MROH9: variants seen among roughly 807,000 people sequenced by gnomAD.
The protein encoded by MROH9 is maestro heat like repeat family member 9.
MROH9 carries 92 observed loss-of-function variants against 98.2 expected under a neutral mutation model. That is an observed-to-expected ratio of 0.94 (90% CI 0.79 to 1.11). The LOEUF is 1.11. Ranked by LOEUF, MROH9 falls within the 50% of genes most tolerant of loss-of-function variation. The pLI is 0.00. For synonymous variants in MROH9, 397 were observed against 368.9 expected (o/e 1.08, Z -0.87); for missense variants, 1,057 against 1,014.8 (o/e 1.04, Z -0.57).
At chr1:171,041,645 A>G (rs536280753) in intron 20 of MROH9, among the ~76,000 whole-genome samples, 3 of 152,000 alleles carry the variant, frequency 2.0e-5, no homozygotes, top group Admixed American at 6.6e-5. Context: ...AGAAATCAAC[A>G]TAATGTTTTC....
At chr1:170,987,244 A>G (rs2101803704) in intron 10 of MROH9, among the ~76,000 whole-genome samples, 1 of 152,376 alleles carries the variant, frequency 6.6e-6, no homozygotes, top group East Asian at 1.9e-4. Flanking sequence ...ATATTAAATC[A>G]TAATATTTTG....
intron 10 of MROH9, among the ~76,000 whole-genome samples, chr1:170,988,690 A>C (rs1195077531): frequency 6.6e-6 from 1 of 152,202 alleles, no homozygotes; most frequent in Non-Finnish European, 1.5e-5. Flanking sequence ...ATGAGTTATA[A>C]GGCTAAAAAC....
At chr1:170,943,038 C>T (rs1370610637) in intron 1 of MROH9, among the ~76,000 whole-genome samples, 1 of 151,908 alleles carries the variant, frequency 6.6e-6, no homozygotes, top group African/African-American at 2.4e-5. Flanking sequence ...ATATTTGATT[C>T]GGAAGTAGCC....
rs1441001136 is a variant in MROH9 at position 171,024,385 on chromosome 1, T to C, written c.1909-10T>C. On this transcript the variant is annotated splice_polypyrimidine_tract_variant and intron_variant, in intron 17 of 21. Coordinates refer to ENST00000367759, the MANE Select transcript of MROH9 (RefSeq NM_001163629.2). ...ATATTATCCTCAAATAAGGCCTTTG[T>C]CTTTTACAGATTAATGGAGGCATTC... is the stretch of plus-strand genomic sequence containing the variant. The C allele has an allele frequency of 6.4e-7, 1 of 1,550,948 alleles. No individual in the cohort carries two copies. Among genetic ancestry groups the C allele is most frequent in the Non-Finnish European group, 8.7e-7 (1 of 1,146,752 alleles).
intron 17 of MROH9, among the ~76,000 whole-genome samples, chr1:171,023,422 G>A (rs1571146980): frequency 6.6e-6 from 1 of 151,900 alleles, no homozygotes; most frequent in Admixed American, 6.6e-5. Flanking sequence ...AACACAGCAT[G>A]GTTACATTAT....
intron 3 of MROH9, among the ~76,000 whole-genome samples, chr1:170,954,946 C>T (rs1417485456): frequency 6.6e-6 from 1 of 151,878 alleles, no homozygotes; most frequent in Admixed American, 6.6e-5. Context: ...ATATTTATAG[C>T]CTTTATCCCT....
intron 15 of MROH9, among the ~76,000 whole-genome samples, chr1:171,001,711 T>G (rs777650683): frequency 6.6e-6 from 1 of 152,178 alleles, no homozygotes; most frequent in Non-Finnish European, 1.5e-5. Context: ...GAATGTGTAT[T>G]CTGTGGTTGT....
intron 20 of MROH9, among the ~76,000 whole-genome samples, chr1:171,047,599 G>A (rs1653508013): frequency 6.6e-6 from 1 of 152,036 alleles, no homozygotes; most frequent in Non-Finnish European, 1.5e-5. Flanking sequence ...ACTCAACACA[G>A]CTATTTCAAA....
intron 12 of MROH9, among the ~76,000 whole-genome samples, 177 bp downstream of exon 12, chr1:170,992,506 C>T (rs1398451398): frequency 6.6e-6 from 1 of 152,126 alleles, no homozygotes; most frequent in Non-Finnish European, 1.5e-5. Context: ...ATGGAGCTTA[C>T]ATTTTGGTAA....
At chr1:171,005,029 A>C (rs1651909612) in intron 15 of MROH9, among the ~76,000 whole-genome samples, 1 of 151,972 alleles carries the variant, frequency 6.6e-6, no homozygotes, top group South Asian at 2.1e-4. Context: ...ATTTTGATGA[A>C]GATTACATTG....
chr1:170,949,183 G>A (rs993075988), intron 3 of MROH9, among the ~76,000 whole-genome samples: 6 of 152,052 alleles, frequency 3.9e-5, no homozygotes, highest in African/African-American at 1.4e-4. Context: ...GAGAGGGGAT[G>A]TGATCTTAGG....
At chr1:170,975,975 C>T (rs1650669697) in intron 8 of MROH9, among the ~76,000 whole-genome samples, 2 of 152,094 alleles carry the variant, frequency 1.3e-5, no homozygotes, top group African/African-American at 4.8e-5. Flanking sequence ...TTTGCAACCC[C>T]AGCCTTTTTC....
intron 19 of MROH9, 100 bp downstream of exon 19, chr1:171,024,865 GGA>G: frequency 1.4e-6 from 1 of 689,670 alleles, no homozygotes; most frequent in Non-Finnish European, 2.4e-6. Flanking sequence ...AGTGGATCTT[GGA>G]GGAAAAAAAT....
chr1:170,995,547 T>C lies in MROH9; in HGVS notation c.1337+16T>C. On this transcript the variant is annotated intron_variant, in intron 13 of 21. Coordinates refer to ENST00000367759, the MANE Select transcript of MROH9 (RefSeq NM_001163629.2). ...ACAGGGCTTTGTGAGTTAAAACTGG[T>C]TATTTCAGATTAAATAAGAGATAAG... 6.2e-7 allele frequency: 1 copy of C among 1,612,034 alleles called. No homozygotes were observed. Among genetic ancestry groups the C allele is most frequent in the South Asian group, 1.1e-5 (1 of 90,986 alleles).
chr1:170,966,720 G>C (rs1650247697), intron 7 of MROH9, among the ~76,000 whole-genome samples: 1 of 152,134 alleles, frequency 6.6e-6, no homozygotes, highest in South Asian at 2.1e-4. Context: ...CCAAAAAAGA[G>C]AGTGAGCGGC....
chr1:171,042,251 G>C (rs1396902608), intron 20 of MROH9, among the ~76,000 whole-genome samples: 1 of 151,976 alleles, frequency 6.6e-6, no homozygotes, highest in African/African-American at 2.4e-5. Context: ...TTGTCTTTCT[G>C]TTCCTAGCTT....
rs536309064 is a variant in MROH9 at position 170,983,482 on chromosome 1, A to T, written c.677A>T (p.Asp226Val). The change falls in exon 9 of 22, where the codon GAT becomes GTT. Residue 226 changes from aspartate to valine, a missense_variant. Coordinates refer to ENST00000367759, the MANE Select transcript of MROH9 (RefSeq NM_001163629.2). ...KSHSLQFPSS[D>V]VEFLPKEFQQ... is the part of the protein sequence containing the mutation. ...CATAGCCTCCAGTTTCCTTCTTCTG[A>T]TGTAGAATTTCTACCCAAGGAGTTT... is the stretch of plus-strand genomic sequence containing the variant. The T allele has an allele frequency of 6.2e-7, 1 of 1,613,384 alleles. No homozygotes were observed. Among genetic ancestry groups the T allele is most frequent in the Non-Finnish European group, 8.5e-7 (1 of 1,179,588 alleles).
At chr1:170,953,140 T>C (rs1441068161) in intron 3 of MROH9, among the ~76,000 whole-genome samples, 3 of 152,148 alleles carry the variant, frequency 2.0e-5, no homozygotes, top group Non-Finnish European at 4.4e-5. Context: ...TGTCTTATCA[T>C]TAGAAACATG....
intron 20 of MROH9, among the ~76,000 whole-genome samples, chr1:171,046,655 TTCA>T (rs1653482016): frequency 6.6e-6 from 1 of 152,206 alleles, no homozygotes; most frequent in African/African-American, 2.4e-5. Flanking sequence ...TATTGATTGG[TTCA>T]TCATTTAGTC....
Sources: gnomAD v4.1 joint callset for allele counts (sites outside exome capture counted in the v4.1 genomes callset) on GRCh38, gnomAD v4.1.1 for gene constraint, MANE v1.5 for transcripts, NCBI Gene and HGNC (gene_info 2026-07-23, HGNC 2026-07-21) for gene names.